The following INSL6 variants were observed in gnomAD, a reference collection of about 807,000 sequenced individuals.
INSL6 encodes insulin-like peptide INSL6.
A neutral mutation model predicts 9.4 loss-of-function variants in INSL6; 16 were observed. The observed-to-expected ratio is 1.70, with a 90% CI of 1.15 to 2.59. The LOEUF (loss-of-function observed/expected upper bound fraction) is 2.59, where lower values mean the gene tolerates loss of function less well. Among genes scored for constraint, INSL6 ranks in the 30% most tolerant of loss-of-function variants. The pLI is 0.00. For missense variants in INSL6, 391 were observed against 257.3 expected, an observed-to-expected ratio of 1.52 and a Z score of -3.56; for synonymous variants, 154 against 96.9, an observed-to-expected ratio of 1.59 and a Z score of -3.46.
chr9:5,020,082 C>T, the INSL6 span, among the ~76,000 whole-genome samples: 2 of 152,034 alleles, frequency 1.3e-5, no homozygotes, highest in African/African-American at 2.4e-5. Flanking sequence ...GGTCCACAGG[C>T]CCCTGGGCAG....
chr9:5,169,581 T>A lies in INSL6; in HGVS notation c.290-5316A>T, dbSNP rs562723432. On this transcript the variant is annotated intron_variant, in intron 1 of 1. Coordinates refer to ENST00000381641, the MANE Select transcript of INSL6 (RefSeq NM_007179.3). ...CAATTAAAAGACACAAAGGGCAAGC[T>A]GGATAAACAGTCATGATCCATTGGT... Among the ~76,000 whole-genome samples the A allele has an allele frequency of 5.3e-5, 8 of 152,312 alleles. No individual in the cohort carries two copies. In the East Asian group the frequency reaches 1.3e-3, roughly 26 times the overall value.
chr9:5,036,315 G>A, the INSL6 span, among the ~76,000 whole-genome samples: 1 of 152,084 alleles, frequency 6.6e-6, no homozygotes, highest in Non-Finnish European at 1.5e-5. Flanking sequence ...AGTCCTTTAT[G>A]GATTCAATGC....
the INSL6 span, chr9:5,080,181 G>C: frequency 7.3e-7 from 1 of 1,378,502 alleles, no homozygotes; most frequent in Non-Finnish European, 1.0e-6. Flanking sequence ...TAAAAGATTG[G>C]TTTACTTGTG....
At chr9:5,155,055 G>C (rs868318916) in intron 2 of INSL6, among the ~76,000 whole-genome samples, 2 of 151,692 alleles carry the variant, frequency 1.3e-5, no homozygotes, top group Non-Finnish European at 2.9e-5. Context: ...ATTCACAATA[G>C]CAAAGACTTG....
At chr9:5,072,708 G>A in the INSL6 span, 12 of 1,057,700 alleles carry the variant, frequency 1.1e-5, no homozygotes, top group East Asian at 3.4e-4. Flanking sequence ...ACTCATGTGT[G>A]CAGCTTTTCA....
chr9:5,118,309 A>G, the INSL6 span, among the ~76,000 whole-genome samples: 1 of 152,112 alleles, frequency 6.6e-6, no homozygotes, highest in Admixed American at 6.5e-5. Flanking sequence ...TCTCATTCCA[A>G]ATTTTGCATA....
chr9:5,095,518 A>T, the INSL6 span, among the ~76,000 whole-genome samples: 1 of 152,128 alleles, frequency 6.6e-6, no homozygotes, highest in Non-Finnish European at 1.5e-5. Context: ...ATCCTTAATA[A>T]TAACAGCCCT....
chr9:5,049,786 T>C, the INSL6 span, among the ~76,000 whole-genome samples: 1 of 152,236 alleles, frequency 6.6e-6, no homozygotes, highest in African/African-American at 2.4e-5. Context: ...CTATATGTTA[T>C]AGCCTAGTAT....
chr9:5,090,365 C>G, the INSL6 span: 2 of 1,034,870 alleles, frequency 1.9e-6, no homozygotes, highest in Non-Finnish European at 2.6e-6. Context: ...ATGTTTAAGT[C>G]ATTTATGTAT....
intron 2 of INSL6, among the ~76,000 whole-genome samples, chr9:5,147,627 T>G (rs946846214): frequency 6.6e-6 from 1 of 151,856 alleles, no homozygotes; most frequent in Non-Finnish European, 1.5e-5. Context: ...TGGGGAAATT[T>G]GAATAGACCA....
chr9:5,155,581 A>G (rs1300441183), intron 2 of INSL6, among the ~76,000 whole-genome samples: 1 of 152,076 alleles, frequency 6.6e-6, no homozygotes, highest in African/African-American at 2.4e-5. Flanking sequence ...ATGGAATACT[A>G]TGCAGCCATA....
chr9:5,014,453 G>C, the INSL6 span, among the ~76,000 whole-genome samples: 1 of 152,094 alleles, frequency 6.6e-6, no homozygotes, highest in African/African-American at 2.4e-5. Flanking sequence ...AATACATTAA[G>C]GTTCTTACCT....
chr9:5,166,723 A>T (rs1462096876), intron 1 of INSL6, among the ~76,000 whole-genome samples: 1 of 152,152 alleles, frequency 6.6e-6, no homozygotes, highest in African/African-American at 2.4e-5. Context: ...ACTTATTTTT[A>T]AAAAACAGTA....
the INSL6 span, chr9:5,054,704 T>G: frequency 6.2e-7 from 1 of 1,613,392 alleles, no homozygotes; most frequent in Non-Finnish European, 8.5e-7. The surrounding 1 kb of genome is among the most constrained non-coding windows in gnomAD (Gnocchi z 4.9). Context: ...ACTTGAAACT[T>G]AAGTATCTTA....
chr9:5,178,277 T>C lies in INSL6; in HGVS notation c.289+7037A>G, dbSNP rs374740988. ...CAGGGTTACAGGGACAGAGCTGTGA[T>C]CTCTCCCTAGGACTGAGCTCCTAGG... On this transcript the variant is annotated intron_variant, in intron 1 of 1. Coordinates refer to ENST00000381641, the MANE Select transcript of INSL6 (RefSeq NM_007179.3). Among the ~76,000 whole-genome samples, 5 of 151,908 alleles carry C rather than the reference T, an allele frequency of 3.3e-5. No individual in the cohort carries two copies. In the East Asian group the frequency reaches 7.8e-4, roughly 24 times the overall value.
chr9:5,180,389 G>A (rs750067595), intron 1 of INSL6, among the ~76,000 whole-genome samples: 24 of 152,140 alleles, frequency 1.6e-4, no homozygotes, highest in Non-Finnish European at 2.9e-4. Context: ...GACTGCCTGC[G>A]GGGTTGGGCA....
the INSL6 span, chr9:5,114,251 C>G: frequency 1.9e-6 from 1 of 537,836 alleles, no homozygotes; most frequent in Non-Finnish European, 3.7e-6. Flanking sequence ...CCACAATCAC[C>G]TGTCTGGTGG....
chr9:5,008,093 G>A, the INSL6 span, among the ~76,000 whole-genome samples: 1 of 152,136 alleles, frequency 6.6e-6, no homozygotes, highest in Non-Finnish European at 1.5e-5. Context: ...TGGTGAAGCT[G>A]AGTTTCACAT....
chr9:5,083,786 A>AT, the INSL6 span, among the ~76,000 whole-genome samples: 95,705 of 151,972 alleles, frequency 0.63, 32,220 homozygotes, highest in African/African-American at 0.88. Flanking sequence ...TTTTCAAGTA[A>AT]TTTTTCTAGT....
Sources: gnomAD v4.1 joint callset for allele counts (sites outside exome capture counted in the v4.1 genomes callset) on GRCh38, gnomAD v4.1.1 for gene constraint, Gnocchi (gnomAD v3.1) non-coding constraint, MANE v1.5 for transcripts, NCBI Gene and HGNC (gene_info 2026-07-23, HGNC 2026-07-21) for gene names.